RTN1: variants seen among roughly 807,000 people sequenced by gnomAD.
RTN1 encodes reticulon 1.
In RTN1, 25 loss-of-function variants were observed where a neutral mutation model predicts 65.5. The observed-to-expected ratio is 0.38, with a 90% CI of 0.28 to 0.53. The LOEUF (loss-of-function observed/expected upper bound fraction) is 0.53, where lower values mean the gene tolerates loss of function less well. RTN1 is among the 20% of genes least tolerant of loss of function. RTN1 has a pLI of 0.79. For synonymous variants in RTN1, 471 were observed against 447.6 expected (o/e 1.05, Z -0.66); for missense variants, 983 against 1,025.4 (o/e 0.96, Z 0.57).
intron 6 of RTN1, 176 bp downstream of exon 6, chr14:59,603,676 A>C (rs1881651332): frequency 2.5e-6 from 1 of 406,964 alleles, no homozygotes; most frequent in Admixed American, 3.7e-5. Flanking sequence ...ATTAGTGTAT[A>C]ATATATATTA....
intron 1 of RTN1, among the ~76,000 whole-genome samples, chr14:59,855,031 A>G (rs1045150317): frequency 2.0e-5 from 3 of 152,168 alleles, no homozygotes; most frequent in African/African-American, 7.2e-5. Context: ...GTAGTACTAT[A>G]TGGTTATTTT....
At chr14:59,718,421 T>C (rs1298702419) in intron 3 of RTN1, among the ~76,000 whole-genome samples, 1 of 151,710 alleles carries the variant, frequency 6.6e-6, no homozygotes, top group Non-Finnish European at 1.5e-5. Context: ...GATTCACATT[T>C]GGGATGTTCT....
rs1430624180 is a variant in RTN1, at chr14:59,774,101, G to C, written c.242-27620C>G. 6.6e-6 allele frequency among the ~76,000 whole-genome samples: 1 copy of C among 152,194 alleles called. No individual in the cohort carries two copies. Among genetic ancestry groups the C allele is most frequent in the Admixed American group, 6.5e-5 (1 of 15,268 alleles). Reference sequence around the variant, plus strand: ...GGGCAAGTATCCACATTATGGTAAAGAGTGTCTGTAGTGGACTGACAGTTC... The same window carrying C: ...GGGCAAGTATCCACATTATGGTAAACAGTGTCTGTAGTGGACTGACAGTTC... On this transcript the variant is annotated intron_variant, in intron 1 of 8. Transcript: ENST00000267484. This position sits in a 1 kb window ranked among gnomAD's most constrained non-coding sequence, Gnocchi z 5.1.
chr14:59,698,877 T>C (rs1453113303), intron 3 of RTN1, among the ~76,000 whole-genome samples: 2 of 152,212 alleles, frequency 1.3e-5, no homozygotes, highest in Non-Finnish European at 2.9e-5. Context: ...CACTACAAGG[T>C]TACACTTCTA....
intron 2 of RTN1, among the ~76,000 whole-genome samples, chr14:59,735,508 A>T (rs1358091298): frequency 1.3e-5 from 2 of 152,240 alleles, no homozygotes; most frequent in East Asian, 3.8e-4. Context: ...ACATGCAAAG[A>T]CATATATAGG....
At chr14:59,775,001 C>T (rs1886024304) in intron 1 of RTN1, among the ~76,000 whole-genome samples, 1 of 152,150 alleles carries the variant, frequency 6.6e-6, no homozygotes, top group South Asian at 2.1e-4. Context: ...TTCCTAGCCA[C>T]CTATTCATGC....
rs529814140 is a variant in RTN1, at chr14:59,856,588, C to T, written c.241+13802G>A. On this transcript the variant is annotated intron_variant, in intron 1 of 8. Transcript: ENST00000267484. ...AGATCACTCATCAGGACATGGGAAACGCAGCAGATCACCACTCCTACTGCC... is the reference window on the plus strand; with the variant it reads ...AGATCACTCATCAGGACATGGGAAATGCAGCAGATCACCACTCCTACTGCC... Among the ~76,000 whole-genome samples the T allele has an allele frequency of 6.6e-5, 10 of 152,290 alleles. No homozygotes were observed. The South Asian group carries it at 1.7e-3, about 25-fold the overall frequency.
At chr14:59,625,228 T>C (rs1407115381) in intron 3 of RTN1, among the ~76,000 whole-genome samples, 1 of 152,224 alleles carries the variant, frequency 6.6e-6, no homozygotes, top group East Asian at 1.9e-4. Flanking sequence ...GGATTATCGT[T>C]TTTTAATGAA....
intron 1 of RTN1, among the ~76,000 whole-genome samples, chr14:59,778,164 G>T (rs1469173630): frequency 6.6e-6 from 1 of 152,056 alleles, no homozygotes; most frequent in African/African-American, 2.4e-5. Context: ...TCTTTGACCA[G>T]GTCATTACCT....
intron 1 of RTN1, among the ~76,000 whole-genome samples, chr14:59,842,806 C>T (rs577456411): frequency 6.6e-6 from 1 of 152,300 alleles, no homozygotes; most frequent in African/African-American, 2.4e-5. Flanking sequence ...CACTACACAT[C>T]CACTAGAATG....
Position 59,603,144 on chromosome 14 carries a change from T to A in RTN1, c.2230-21A>T, listed in dbSNP as rs1318453129. 10 of 1,598,450 alleles carry A rather than the reference T, an allele frequency of 6.3e-6. No homozygotes were observed. The South Asian group carries it at 6.7e-5, about 11-fold the overall frequency. ...TGTGCCTACATAAAGAAAAAAAAAA[T>A]AATGAGCATATCCAAAGATGATGAG... On this transcript the variant is annotated intron_variant, in intron 7 of 8. Coordinates refer to ENST00000267484, the MANE Select transcript of RTN1 (RefSeq NM_021136.3).
At chr14:59,752,945 A>T (rs945053828) in intron 1 of RTN1, among the ~76,000 whole-genome samples, 35 of 152,198 alleles carry the variant, frequency 2.3e-4, no homozygotes, top group African/African-American at 8.0e-4. Flanking sequence ...AGGCAGAGAG[A>T]GACCCAGTGT....
At chr14:59,635,777 T>C (rs1882652954) in intron 3 of RTN1, among the ~76,000 whole-genome samples, 1 of 152,144 alleles carries the variant, frequency 6.6e-6, no homozygotes, top group African/African-American at 2.4e-5. Flanking sequence ...AAGCACAAAA[T>C]GAAGTGTCAT....
At chr14:59,749,292 A>G (rs1337296475) in intron 1 of RTN1, among the ~76,000 whole-genome samples, 2 of 68,370 alleles carry the variant, frequency 2.9e-5, no homozygotes, top group Non-Finnish European at 4.6e-5. Context: ...ATATATCTAT[A>G]TATATCTATA....
At chr14:59,657,588 G>GGA (rs1883148966) in intron 3 of RTN1, among the ~76,000 whole-genome samples, 1 of 152,172 alleles carries the variant, frequency 6.6e-6, no homozygotes, top group African/African-American at 2.4e-5. Context: ...TGCAGCCCAT[G>GGA]GAGAGAGAGC....
intron 1 of RTN1, among the ~76,000 whole-genome samples, chr14:59,840,575 G>C (rs1482157474): frequency 6.6e-6 from 1 of 152,168 alleles, no homozygotes; most frequent in East Asian, 1.9e-4. Flanking sequence ...TATACTACAT[G>C]ATCAAGAAAT....
chr14:59,681,118 T>G (rs1431172381), intron 3 of RTN1, among the ~76,000 whole-genome samples: 2 of 152,174 alleles, frequency 1.3e-5, no homozygotes, highest in Admixed American at 6.5e-5. Context: ...TCTCTGCTTC[T>G]CTTTTCATCT....
At chr14:59,607,891 A>C (rs575945703) in intron 3 of RTN1, among the ~76,000 whole-genome samples, 1 of 144,418 alleles carries the variant, frequency 6.9e-6, no homozygotes, top group South Asian at 2.1e-4. Context: ...ACAGGGTTAG[A>C]CTCTGTCTTA....
At chr14:59,620,975 G>A (rs1190792485) in intron 3 of RTN1, among the ~76,000 whole-genome samples, 1 of 152,230 alleles carries the variant, frequency 6.6e-6, no homozygotes, top group Non-Finnish European at 1.5e-5. Context: ...TGGTCAGAGT[G>A]CCAGGAAATG....
Sources: allele counts gnomAD v4.1 joint callset (sites outside exome capture counted in the v4.1 genomes callset), GRCh38; gene constraint gnomAD v4.1.1; non-coding constraint Gnocchi (gnomAD v3.1); transcripts MANE v1.5; gene names NCBI Gene and HGNC (gene_info 2026-07-23, HGNC 2026-07-21).